The following NHP2 variants were observed in gnomAD, a reference collection of about 807,000 sequenced individuals.
The protein encoded by NHP2 is H/ACA ribonucleoprotein complex subunit 2.
In NHP2, 10 loss-of-function variants were observed where a neutral mutation model predicts 16.7. The observed-to-expected ratio is 0.60, with a 90% CI of 0.37 to 1.01. The LOEUF is 1.01. NHP2 is among the 50% of genes least tolerant of loss of function. The pLI, the probability that NHP2 is intolerant of heterozygous loss-of-function variation, is 0.01. For missense variants in NHP2, 184 were observed against 198.3 expected (o/e 0.93, Z 0.43); for synonymous variants, 87 against 78.9 (o/e 1.10, Z -0.54).
rs770411732 is a variant in NHP2 at position 178,149,785 on chromosome 5, C to T, written c.390G>A (p.Lys130=). ...AAGCCTCCTGGTACTCCTCATGGGG[C>T]TTGACCATTATCACACAGGTGGGGC... is the stretch of plus-strand genomic sequence containing the variant. The part of the protein sequence containing the change: ...SKRPTCVIMV[K]PHEEYQEAYD... Residue 130 remains lysine (K), a synonymous_variant, in exon 4 of 4, where the codon AAG becomes AAA. Coordinates refer to ENST00000274606, the MANE Select transcript of NHP2 (RefSeq NM_017838.4). 6.2e-7 allele frequency: 1 copy of T among 1,614,050 alleles called. No individual in the cohort carries two copies.
Position 178,149,704 on chromosome 5 carries a change from C to G in NHP2, c.*9G>C. Reference sequence around the variant, plus strand: ...CCAGCGGCAGGTGCCCAGGTGCTACCGGAGCCCCTCATAGGGGTAGGGGCA... The same window carrying G: ...CCAGCGGCAGGTGCCCAGGTGCTACGGGAGCCCCTCATAGGGGTAGGGGCA... On this transcript the variant is annotated 3_prime_UTR_variant, in exon 4 of 4. Coordinates refer to ENST00000274606, the MANE Select transcript of NHP2 (RefSeq NM_017838.4). The G allele has an allele frequency of 6.2e-7, 1 of 1,613,148 alleles. No homozygotes were observed. Among genetic ancestry groups the G allele is most frequent in the Non-Finnish European group, 8.5e-7 (1 of 1,179,906 alleles).
chr5:178,151,069 G>A (rs976096553), intron 2 of NHP2, 76 bp from the exon 3 acceptor site: 4 of 1,273,540 alleles, frequency 3.1e-6, no homozygotes, highest in South Asian at 2.4e-5. Context: ...CCTGGGCTGG[G>A]TCTTAGGGAT....
At chr5:178,153,086 AAAAC>A (rs919202163) in intron 2 of NHP2, 3 of 325,506 alleles carry the variant, frequency 9.2e-6, no homozygotes, top group African/African-American at 6.5e-5. Flanking sequence ...ACCCATCTCA[AAAAC>A]AAACAAAAAC....
At position 178,153,482 on chromosome 5, in the gene NHP2, G is replaced by C. The variant is rs893913020; in HGVS notation, c.230+9C>G. On this transcript the variant is annotated intron_variant, in intron 2 of 3. Transcript: ENST00000274606. ...GAAATGCAAAATCCAGAGGAAGGAA[G>C]GTTCTTACCCTTTTTCTCCTTTGTT... 7 of 1,613,692 alleles carry C rather than the reference G, an allele frequency of 4.3e-6. No individual in the cohort carries two copies. The African/African-American group carries it at 8.0e-5, about 18-fold the overall frequency.
intron 3 of NHP2, chr5:178,150,082 G>A (rs776510301): frequency 1.3e-4 from 53 of 412,152 alleles, no homozygotes; most frequent in Non-Finnish European, 2.2e-4. Flanking sequence ...CAGCCCAGCA[G>A]GGGCTGTCCC....
At position 178,150,590 on chromosome 5, in the gene NHP2, G is replaced by A. The variant is rs182813303; in HGVS notation, c.336+298C>T. 2.0e-4 allele frequency: 101 copies of A among 513,458 alleles called. 1 individual carries two copies. Among genetic ancestry groups the A allele is most frequent in the African/African-American group, 1.7e-3 (88 of 51,762 alleles). The allele number at this position is 513,458 out of a possible 1,614,324, so 31.8% of individuals were successfully genotyped here. On this transcript the variant is annotated intron_variant, in intron 3 of 3. Coordinates refer to ENST00000274606, the MANE Select transcript of NHP2 (RefSeq NM_017838.4). ...TAGAGATGGAGTCTCACTTTGTTGCGCAGGTTATTCCTGAACTCCTGTCCT... is the reference window on the plus strand; with the variant it reads ...TAGAGATGGAGTCTCACTTTGTTGCACAGGTTATTCCTGAACTCCTGTCCT...
chr5:178,149,901 C>T, intron 3 of NHP2, 63 bp from the exon 4 acceptor site: 1 of 1,582,148 alleles, frequency 6.3e-7, no homozygotes, highest in Non-Finnish European at 8.6e-7. Context: ...CAGGAAGTCA[C>T]CAACTGATGA....
Position 178,153,651 on chromosome 5 carries a change from G to T in NHP2, c.160+7C>A, listed in dbSNP as rs749322394. 9 of 1,613,094 alleles carry T rather than the reference G, an allele frequency of 5.6e-6. No individual in the cohort carries two copies. Among genetic ancestry groups the T allele is most frequent in the Admixed American group, 1.7e-5 (1 of 59,932 alleles). ...ACCCATCCCGGCCACGCCGCCGTCC[G>T]CCTCACCTTTCTTGATGCATTTGTA... is the stretch of plus-strand genomic sequence containing the variant. On this transcript the variant is annotated splice_region_variant and intron_variant, in intron 1 of 3. Transcript: ENST00000274606.
rs374954008 is a variant in NHP2, at chr5:178,151,025, C to T, written c.231-32G>A. On this transcript the variant is annotated intron_variant, in intron 2 of 3. Coordinates refer to ENST00000274606, the MANE Select transcript of NHP2 (RefSeq NM_017838.4). ...TGAGAGAAAACACTGTCATCTCTGG[C>T]TTGCTCCTTCCTTCTTTCAGTTTTA... The T allele has an allele frequency of 2.9e-5, 46 of 1,567,770 alleles. No homozygotes were observed. In the African/African-American group the frequency reaches 6.1e-4, roughly 21 times the overall value.
Position 178,153,489 on chromosome 5 carries a change from A to C in NHP2, c.230+2T>G. The C allele has an allele frequency of 6.2e-7, 1 of 1,614,014 alleles. No homozygotes were observed. Among genetic ancestry groups the C allele is most frequent in the Non-Finnish European group, 8.5e-7 (1 of 1,179,912 alleles). Reference sequence around the variant, plus strand: ...AAAATCCAGAGGAAGGAAGGTTCTTACCCTTTTTCTCCTTTGTTGACAAAT... The same window carrying C: ...AAAATCCAGAGGAAGGAAGGTTCTTCCCCTTTTTCTCCTTTGTTGACAAAT... On this transcript the variant is annotated splice_donor_variant, in intron 2 of 3. Transcript: ENST00000274606. LOFTEE classifies it high-confidence loss of function.
At chr5:178,153,327 G>A in intron 2 of NHP2, 164 bp downstream of exon 2, 2 of 730,986 alleles carry the variant, frequency 2.7e-6, no homozygotes, top group South Asian at 3.0e-5. Context: ...TGGTGTACCG[G>A]TATTGTCGTA....
At chr5:178,150,506 AGTGGCT>A (rs1335702019) in intron 3 of NHP2, 1 of 363,906 alleles carries the variant, frequency 2.7e-6, no homozygotes. Flanking sequence ...TAGCCTCCCA[AGTGGCT>A]GGGACTACAG....
In NHP2 at chr5:178,149,815, G is replaced by A; in HGVS notation, c.360C>T (p.Ser120=). The A allele has an allele frequency of 6.2e-7, 1 of 1,613,796 alleles. No homozygotes were observed. Among genetic ancestry groups the A allele is most frequent in the South Asian group, 1.1e-5 (1 of 91,022 alleles). The change falls in exon 4 of 4, where the codon TCC becomes TCT. Residue 120 remains serine (S), a synonymous_variant. Coordinates refer to ENST00000274606, the MANE Select transcript of NHP2 (RefSeq NM_017838.4). The stretch of plus-strand genomic sequence containing the variant: ...CCATTATCACACAGGTGGGGCGCTT[G>A]GAGCCTGCGGCTGCACCCAGGTCCT... The part of the protein sequence containing the change: ...SKTDLGAAAG[S]KRPTCVIMVK...
rs779452625 is a variant in NHP2, at chr5:178,149,736, G to T, written c.439C>A (p.Gln147Lys). ...EAYDECLEEV[Q>K]SLPLPL is the part of the protein sequence containing the mutation. ...CCTCATAGGGGTAGGGGCAGGGACT[G>T]CACCTCCTCCAGGCACTCATCGTAA... The change falls in exon 4 of 4, where the codon CAG becomes AAG. Residue 147 changes from glutamine to lysine, a missense_variant. Transcript: ENST00000274606. 33 of 1,614,032 alleles carry T rather than the reference G, an allele frequency of 2.0e-5. No homozygotes were observed. The highest frequency in any genetic ancestry group is 2.8e-5 in the Non-Finnish European group (33 of 1,179,988).
intron 3 of NHP2, chr5:178,150,044 T>G: frequency 4.1e-6 from 2 of 493,138 alleles, no homozygotes; most frequent in Non-Finnish European, 7.3e-6. Flanking sequence ...AGGGCCTACA[T>G]TCCCACATGG....
intron 2 of NHP2, chr5:178,153,231 C>G: frequency 1.8e-6 from 1 of 557,876 alleles, no homozygotes; most frequent in Non-Finnish European, 3.2e-6. Context: ...GAGGAGGGTC[C>G]CTGAATTAAT....
chr5:178,152,439 C>G (rs536144258), intron 2 of NHP2, among the ~76,000 whole-genome samples: 1 of 151,582 alleles, frequency 6.6e-6, no homozygotes, highest in Non-Finnish European at 1.5e-5. Flanking sequence ...GGGAAACTTC[C>G]CCAGATGCGC....
In NHP2 at chr5:178,149,912, C is replaced by CAGGAAGTCA; in HGVS notation, c.337-75_337-74insTGACTTCCT. On this transcript the variant is annotated intron_variant, in intron 3 of 3. Transcript: ENST00000274606. Reference sequence around the variant, plus strand: ...ATGCCAGGAAGTCACCAACTGATGACCCACCAGCCTAATCTGGCCCACAAC... The same window carrying CAGGAAGTCA: ...ATGCCAGGAAGTCACCAACTGATGACAGGAAGTCACCACCAGCCTAATCTGGCCCACAAC... 3 of 1,538,024 alleles carry CAGGAAGTCA rather than the reference C, an allele frequency of 2.0e-6. No individual in the cohort carries two copies. In the African/African-American group the frequency reaches 4.1e-5, roughly 21 times the overall value.
chr5:178,150,598 T>C (rs1336644649), intron 3 of NHP2: 2 of 550,388 alleles, frequency 3.6e-6, no homozygotes, highest in Non-Finnish European at 6.8e-6. Flanking sequence ...GCGCAGGTTA[T>C]TCCTGAACTC....
Sources: gnomAD v4.1 joint callset for allele counts (sites outside exome capture counted in the v4.1 genomes callset) on GRCh38, gnomAD v4.1.1 for gene constraint, MANE v1.5 for transcripts, NCBI Gene and HGNC (gene_info 2026-07-23, HGNC 2026-07-21) for gene names.